The following ESR1 variants were observed in gnomAD, a reference collection of about 807,000 sequenced individuals.
ESR1 encodes estrogen receptor 1, also known as estrogen receptor.
ESR1 carries 12 observed loss-of-function variants against 52.7 expected under a neutral mutation model. The observed-to-expected ratio is 0.23, with a 90% CI of 0.15 to 0.37. The LOEUF (loss-of-function observed/expected upper bound fraction) is 0.37, where lower values mean the gene tolerates loss of function less well. Ranked by LOEUF, ESR1 falls within the 10% of genes least tolerant of loss-of-function variation. ESR1 has a pLI of 1.00. For missense variants in ESR1, 584 were observed against 779.7 expected (o/e 0.75, Z 2.99); for synonymous variants, 305 against 316.8 (o/e 0.96, Z 0.39).
intron 2 of ESR1, among the ~76,000 whole-genome samples, chr6:151,705,034 T>C (rs906631225): frequency 1.3e-5 from 2 of 151,760 alleles, no homozygotes; most frequent in Non-Finnish European, 2.9e-5. Context: ...TTGTCATCCA[T>C]TGAATGAGGA....
rs988248571 is a variant in ESR1, at chr6:152,103,262, G to T, written c.*4296G>T. On this transcript the variant is annotated 3_prime_UTR_variant, in exon 8 of 8. Coordinates refer to ENST00000206249, the MANE Select transcript of ESR1 (RefSeq NM_000125.4). ...TCAACCTATTTGATGTTCAAATAAAGAATTAAACTAAAGACAACGAGTTTG... is the reference window on the plus strand; with the variant it reads ...TCAACCTATTTGATGTTCAAATAAATAATTAAACTAAAGACAACGAGTTTG... 5.5e-6 allele frequency: 1 copy of T among 180,216 alleles called. No individual in the cohort carries two copies. Among genetic ancestry groups the T allele is most frequent in the Non-Finnish European group, 1.2e-5 (1 of 83,968 alleles). The allele number at this position is 180,216 out of a possible 1,614,324, so 11.2% of individuals were successfully genotyped here.
intron 1 of ESR1, among the ~76,000 whole-genome samples, chr6:151,685,149 C>T (rs1171386998): frequency 2.2e-5 from 2 of 89,672 alleles, no homozygotes; most frequent in South Asian, 4.0e-4. Context: ...TTTTTTGAGA[C>T]GGAGTCTCGC....
intron 2 of ESR1, among the ~76,000 whole-genome samples, chr6:151,710,729 C>G (rs765902833): frequency 6.6e-6 from 1 of 152,236 alleles, no homozygotes; most frequent in Non-Finnish European, 1.5e-5. Flanking sequence ...CCTAGCCCCC[C>G]ACCCTCTGAC....
At chr6:151,956,524 G>A (rs2036931083) in intron 4 of ESR1, among the ~76,000 whole-genome samples, 1 of 152,074 alleles carries the variant, frequency 6.6e-6, no homozygotes, top group African/African-American at 2.4e-5. Flanking sequence ...TGTTAACTCA[G>A]CTGAGTGCTT....
At chr6:151,795,616 T>C (rs1351617315) in intron 2 of ESR1, among the ~76,000 whole-genome samples, 4 of 152,132 alleles carry the variant, frequency 2.6e-5, no homozygotes, top group Non-Finnish European at 4.4e-5. Flanking sequence ...AGATCCATCA[T>C]ATTTGTAAGG....
At chr6:152,025,244 C>A (rs1584875850) in intron 5 of ESR1, among the ~76,000 whole-genome samples, 2 of 145,580 alleles carry the variant, frequency 1.4e-5, no homozygotes, top group Admixed American at 6.8e-5. Context: ...ACATCCATTA[C>A]AAAAATAGTT....
chr6:152,035,647 C>G (rs1304778711), intron 5 of ESR1, among the ~76,000 whole-genome samples: 2 of 152,120 alleles, frequency 1.3e-5, no homozygotes, highest in African/African-American at 4.8e-5. Flanking sequence ...GGGTAAAAAA[C>G]TATAATTCAG....
At chr6:151,935,191 T>G (rs973287511) in intron 3 of ESR1, among the ~76,000 whole-genome samples, 11 of 152,230 alleles carry the variant, frequency 7.2e-5, no homozygotes, top group African/African-American at 2.4e-4. Flanking sequence ...GAGTGCTCAA[T>G]AAATGTTAGT....
chr6:151,718,390 A>C (rs963479376), intron 2 of ESR1, among the ~76,000 whole-genome samples: 13 of 152,248 alleles, frequency 8.5e-5, no homozygotes, highest in African/African-American at 2.7e-4. Context: ...TTTACTAAGC[A>C]AACAAGAAGT....
intron 1 of ESR1, among the ~76,000 whole-genome samples, chr6:151,835,018 C>T (rs928199097): frequency 3.9e-5 from 6 of 152,058 alleles, no homozygotes; most frequent in East Asian, 1.9e-4. Context: ...AGGGAGAGTT[C>T]GGGATCTGTA....
At chr6:151,673,238 T>C (rs1411817933) in intron 1 of ESR1, among the ~76,000 whole-genome samples, 1 of 152,198 alleles carries the variant, frequency 6.6e-6, no homozygotes, top group Non-Finnish European at 1.5e-5. Context: ...ATAATATTGA[T>C]TCACTTCTAA....
At chr6:151,972,367 C>T (rs1278361242) in intron 4 of ESR1, among the ~76,000 whole-genome samples, 2 of 152,078 alleles carry the variant, frequency 1.3e-5, no homozygotes, top group Admixed American at 6.6e-5. Context: ...AACTACAGCC[C>T]AATATCCCTG....
At chr6:152,067,906 T>C (rs1395916898) in intron 6 of ESR1, among the ~76,000 whole-genome samples, 3 of 152,242 alleles carry the variant, frequency 2.0e-5, no homozygotes, top group Non-Finnish European at 2.9e-5. Flanking sequence ...AGTATGCCAA[T>C]GTTGCTTAAA....
intron 3 of ESR1, among the ~76,000 whole-genome samples, chr6:151,883,523 C>G (rs1322206140): frequency 6.6e-6 from 1 of 151,944 alleles, no homozygotes; most frequent in South Asian, 2.1e-4. Flanking sequence ...GTATCTCTTT[C>G]TCTTCTCACA....
chr6:151,680,898 C>A (rs528397491), intron 1 of ESR1, among the ~76,000 whole-genome samples: 1 of 152,122 alleles, frequency 6.6e-6, no homozygotes. Flanking sequence ...CTGTTCGAGT[C>A]GCTGGGTTTG....
At chr6:152,008,429 T>G (rs979096504) in intron 4 of ESR1, among the ~76,000 whole-genome samples, 1 of 152,106 alleles carries the variant, frequency 6.6e-6, no homozygotes, top group Admixed American at 6.6e-5. Context: ...CAGACATACT[T>G]CAGACAGATT....
chr6:151,831,893 G>A lies in ESR1; in HGVS notation c.453-10704G>A, dbSNP rs150690682. On this transcript the variant is annotated intron_variant, in intron 1 of 7. Transcript: ENST00000206249. ...TGGGTTTTCCAGAAGTCTAAGTTGC[G>A]GTCTAATCTTTGTGCAGAAGCTGAA... Among the ~76,000 whole-genome samples the A allele has an allele frequency of 2.4e-4, 37 of 152,180 alleles. No individual in the cohort carries two copies. In the East Asian group the frequency reaches 6.2e-3, roughly 25 times the overall value.
intron 6 of ESR1, among the ~76,000 whole-genome samples, chr6:152,071,481 C>G (rs567122156): frequency 1.3e-5 from 2 of 152,132 alleles, no homozygotes; most frequent in Non-Finnish European, 2.9e-5. Context: ...TGCTTAAACC[C>G]TTTGTGCTTC....
chr6:151,880,803 A>G, intron 3 of ESR1, 32 bp downstream of exon 3: 1 of 1,173,158 alleles, frequency 8.5e-7, no homozygotes, highest in Non-Finnish European at 1.3e-6. Flanking sequence ...GCCCTTGGGG[A>G]TGGCCCTGGC....
Sources: gnomAD v4.1 joint callset for allele counts (sites outside exome capture counted in the v4.1 genomes callset) on GRCh38, gnomAD v4.1.1 for gene constraint, MANE v1.5 for transcripts, NCBI Gene and HGNC (gene_info 2026-07-23, HGNC 2026-07-21) for gene names.